Variants in MREG observed in about 807,000 individuals in gnomAD.
The protein encoded by MREG is dilute suppressor protein homolog.
MREG carries 31 observed loss-of-function variants against 28.5 expected under a neutral mutation model. That is an observed-to-expected ratio of 1.09 (90% CI 0.82 to 1.47). The LOEUF (loss-of-function observed/expected upper bound fraction) is 1.47. Among genes scored for constraint, MREG ranks in the 40% most tolerant of loss-of-function variants. The pLI is 0.00. For missense variants in MREG, 256 were observed against 257.4 expected, an observed-to-expected ratio of 0.99 and a Z score of 0.04; for synonymous variants, 106 against 95.2, an observed-to-expected ratio of 1.11 and a Z score of -0.66.
chr2:215,979,606 A>G (rs891666646), intron 2 of MREG, among the ~76,000 whole-genome samples: 1 of 152,008 alleles, frequency 6.6e-6, no homozygotes, highest in African/African-American at 2.4e-5. Flanking sequence ...ATTGACACCA[A>G]GTAAGAAGTG....
upstream of MREG, among the ~76,000 whole-genome samples, chr2:216,014,468 G>A (rs1694395588): frequency 6.6e-6 from 1 of 151,998 alleles, no homozygotes; most frequent in African/African-American, 2.4e-5. Context: ...GGCCAACATG[G>A]TGAAGCCCCG....
chr2:215,978,135 G>T (rs1693308608), intron 2 of MREG, among the ~76,000 whole-genome samples: 1 of 152,036 alleles, frequency 6.6e-6, no homozygotes, highest in Non-Finnish European at 1.5e-5. Flanking sequence ...TAGACCACTA[G>T]TAAGACTAAT....
chr2:216,031,745 T>C (rs761934420), intron 1 of MREG, among the ~76,000 whole-genome samples: 1 of 147,918 alleles, frequency 6.8e-6, no homozygotes, highest in Non-Finnish European at 1.5e-5. Context: ...AAAGCATCCA[T>C]TTACCCCAAT....
chr2:215,986,980 T>C (rs1030592956), intron 2 of MREG, among the ~76,000 whole-genome samples: 1 of 152,248 alleles, frequency 6.6e-6, no homozygotes, highest in East Asian at 1.9e-4. Context: ...TACAAATATA[T>C]ATGGATGTCC....
At chr2:215,956,471 A>G (rs1003471739) in intron 2 of MREG, among the ~76,000 whole-genome samples, 1 of 152,176 alleles carries the variant, frequency 6.6e-6, no homozygotes, top group Admixed American at 6.5e-5. Context: ...AATAATATAT[A>G]TATCAAAAGA....
chr2:216,005,844 A>T (rs1244105047), intron 1 of MREG, among the ~76,000 whole-genome samples: 1 of 98,912 alleles, frequency 1.0e-5, no homozygotes. Flanking sequence ...GATTTTTGTA[A>T]AAAAAAAAAA....
In MREG at chr2:215,974,852, ACT is replaced by A. The variant is rs749594804; in HGVS notation, c.255+21452_255+21453del. ...CACACACACACACACACACACACAC[ACT>A]CTCTCTCTCTCTCTCTCTCTCCCTC... On this transcript the variant is annotated intron_variant, in intron 2 of 4. Coordinates refer to ENST00000263268, the MANE Select transcript of MREG (RefSeq NM_018000.3). Among the ~76,000 whole-genome samples the A allele has an allele frequency of 2.3e-3, 243 of 107,578 alleles. 2 individuals are homozygous for A. The highest frequency in any genetic ancestry group is 4.5e-3 in the Middle Eastern group (1 of 220). 70.6% of individuals were successfully genotyped at this position (107,578 alleles called of 152,430 possible). A position where few individuals can be genotyped will look rare whatever the true frequency, so the allele number is the denominator to read the frequency against.
At chr2:215,939,348 A>T (rs1043486212), downstream of MREG, 2 of 152,226 alleles carry the variant, frequency 1.3e-5, no homozygotes, top group African/African-American at 4.8e-5. Flanking sequence ...TAATCTTGTG[A>T]CCAGGTGGCG....
rs1395273679 is a variant in MREG, at chr2:216,031,691, G to GAGAAAGAAAGAAAGAAAGAAAGAAAGAA, written c.-68+1097_-68+1098insTTCTTTCTTTCTTTCTTTCTTTCTTTCT. ...AGAAAGAAAGAAAGAAAGAAAGAAA[G>GAGAAAGAAAGAAAGAAAGAAAGAAAGAA]AGAAAGAAAGAAAGAAAGAAAGGGA... is the stretch of plus-strand genomic sequence containing the variant. On this transcript the variant is annotated intron_variant, in intron 1 of 3. Transcript: ENST00000420348. Among the ~76,000 whole-genome samples, 519 of 61,040 alleles carry GAGAAAGAAAGAAAGAAAGAAAGAAAGAA rather than the reference G, an allele frequency of 8.5e-3. 12 individuals carry two copies. Among genetic ancestry groups the GAGAAAGAAAGAAAGAAAGAAAGAAAGAA allele is most frequent in the African/African-American group, 7.5e-3 (125 of 16,584 alleles). 40.0% of individuals were successfully genotyped at this position (61,040 alleles called of 152,430 possible). A position where few individuals can be genotyped will look rare whatever the true frequency, so the allele number is the denominator to read the frequency against.
upstream of MREG, among the ~76,000 whole-genome samples, chr2:216,017,228 T>C (rs1309806019): frequency 6.6e-6 from 1 of 152,252 alleles, no homozygotes; most frequent in Non-Finnish European, 1.5e-5. Flanking sequence ...TATTTAATAA[T>C]ATGTCTTGGA....
intron 1 of MREG, among the ~76,000 whole-genome samples, chr2:215,998,928 A>C (rs917241657): frequency 4.6e-5 from 7 of 152,210 alleles, no homozygotes; most frequent in African/African-American, 1.7e-4. Flanking sequence ...AAAAGTCTAC[A>C]CAGATTGTTG....
chr2:215,956,934 C>G (rs141986115), intron 2 of MREG, among the ~76,000 whole-genome samples: 3 of 152,076 alleles, frequency 2.0e-5, no homozygotes, highest in African/African-American at 7.2e-5. Flanking sequence ...GACGGATACC[C>G]TTATAATCCA....
At chr2:215,969,465 G>A (rs1693030637) in intron 2 of MREG, among the ~76,000 whole-genome samples, 3 of 152,146 alleles carry the variant, frequency 2.0e-5, no homozygotes, top group African/African-American at 7.2e-5. Context: ...CATGGGTGCT[G>A]GCAAAAGAAA....
intron 2 of MREG, among the ~76,000 whole-genome samples, chr2:215,963,908 CA>C (rs1167512100): frequency 1.3e-5 from 2 of 152,146 alleles, no homozygotes; most frequent in African/African-American, 4.8e-5. Flanking sequence ...AAGATAAATA[CA>C]TTTGACTAAA....
chr2:216,030,105 T>C (rs1212398859), intron 1 of MREG, among the ~76,000 whole-genome samples: 1 of 152,216 alleles, frequency 6.6e-6, no homozygotes, highest in Non-Finnish European at 1.5e-5. Flanking sequence ...AAAGAAGATT[T>C]AGGTTTCAAA....
At chr2:215,969,065 G>A (rs896869077) in intron 2 of MREG, among the ~76,000 whole-genome samples, 3 of 152,198 alleles carry the variant, frequency 2.0e-5, no homozygotes, top group African/African-American at 7.2e-5. Flanking sequence ...GGCATTGTCT[G>A]ATAAGAATTT....
At chr2:216,018,874 C>A (rs554835299) in intron 1 of MREG, among the ~76,000 whole-genome samples, 1 of 152,200 alleles carries the variant, frequency 6.6e-6, no homozygotes, top group Non-Finnish European at 1.5e-5. Flanking sequence ...TTCCATCCCT[C>A]ACCCCTAACC....
Position 215,945,684 on chromosome 2 carries a change from T to C in MREG, c.397A>G (p.Ile133Val), listed in dbSNP as rs749877230. Residue 133 changes from isoleucine to valine, a missense_variant, in exon 4 of 5, where the codon ATC becomes GTC. By Grantham distance (29) the Ile-to-Val change is conservative. Transcript: ENST00000263268. ...SLLSVTKLST[I>V]SDSKNTRKAR... ...TTCCTTGTGTTTTTAGAATCACTGA[T>C]GGTGCTGAGTTTAGTCACTGACAAC... 2.5e-6 allele frequency: 4 copies of C among 1,613,828 alleles called. No homozygotes were observed. The African/African-American group carries it at 4.0e-5, about 16-fold the overall frequency.
chr2:216,016,803 A>G (rs1694455006), upstream of MREG, among the ~76,000 whole-genome samples: 1 of 152,230 alleles, frequency 6.6e-6, no homozygotes, highest in Non-Finnish European at 1.5e-5. Context: ...TGTTTCAGAC[A>G]GGATATTTAT....
Sources: gnomAD v4.1 joint callset for allele counts (sites outside exome capture counted in the v4.1 genomes callset) on GRCh38, gnomAD v4.1.1 for gene constraint, MANE v1.5 for transcripts, NCBI Gene and HGNC (gene_info 2026-07-23, HGNC 2026-07-21) for gene names.